The following ZFHX3 variants were observed in gnomAD, a reference collection of about 807,000 sequenced individuals.
The protein encoded by ZFHX3 is zinc finger homeobox 3, also known as zinc finger homeobox protein 3.
ZFHX3 carries 42 observed loss-of-function variants against 279.1 expected under a neutral mutation model. The observed-to-expected ratio is 0.15, with a 90% CI of 0.12 to 0.19. ZFHX3 has a LOEUF of 0.19. ZFHX3 is among the 10% of genes least tolerant of loss of function. The pLI is 1.00. For missense variants in ZFHX3, 4,981 were observed against 4,754.0 expected, an observed-to-expected ratio of 1.05 and a Z score of -1.40; for synonymous variants, 2,293 against 1,957.8, an observed-to-expected ratio of 1.17 and a Z score of -4.52.
At chr16:73,819,329 C>A (rs1257941855) in intron 1 of ZFHX3, among the ~76,000 whole-genome samples, 1 of 150,290 alleles carries the variant, frequency 6.7e-6, no homozygotes, top group Non-Finnish European at 1.5e-5. Context: ...TAGTTTCTGC[C>A]TACTAGATGC....
At chr16:73,187,142 T>TCACA (rs1491472382) in intron 5 of ZFHX3, among the ~76,000 whole-genome samples, 34 of 87,884 alleles carry the variant, frequency 3.9e-4, no homozygotes, top group African/African-American at 1.1e-3. Flanking sequence ...AAGTTGTATG[T>TCACA]CTCACACACA....
At chr16:73,728,867 C>G (rs1262437495) in intron 1 of ZFHX3, among the ~76,000 whole-genome samples, 1 of 151,512 alleles carries the variant, frequency 6.6e-6, no homozygotes, top group Non-Finnish European at 1.5e-5. Flanking sequence ...GCACCTAAGT[C>G]TCTAAACCAT....
At chr16:73,283,881 C>T (rs933741632) in intron 4 of ZFHX3, among the ~76,000 whole-genome samples, 2 of 151,990 alleles carry the variant, frequency 1.3e-5, no homozygotes, top group Non-Finnish European at 2.9e-5. Context: ...CCCAGGAGTT[C>T]GAATTCGCAA....
At chr16:73,377,837 T>C (rs2016748064) in intron 3 of ZFHX3, among the ~76,000 whole-genome samples, 1 of 151,326 alleles carries the variant, frequency 6.6e-6, no homozygotes, top group Admixed American at 6.6e-5. Context: ...ATTGAGATCA[T>C]CCTGGCTAAC....
chr16:73,343,187 AC>A (rs142760069), intron 3 of ZFHX3, among the ~76,000 whole-genome samples: 8,625 of 152,114 alleles, frequency 0.057, 317 homozygotes, highest in East Asian at 0.11. Flanking sequence ...ATGTTGTAGG[AC>A]TGAAATGGAA....
chr16:72,901,647 T>C (rs1329162719), intron 3 of ZFHX3, among the ~76,000 whole-genome samples: 2 of 152,164 alleles, frequency 1.3e-5, no homozygotes, highest in Non-Finnish European at 2.9e-5. Context: ...TTAAATTCCA[T>C]TTGTTTTCTG....
intron 2 of ZFHX3, among the ~76,000 whole-genome samples, chr16:73,582,894 G>C (rs2051876820): frequency 1.3e-5 from 2 of 150,024 alleles, no homozygotes; most frequent in Non-Finnish European, 2.9e-5. Context: ...GCTCAGATTT[G>C]GGAGTCTGTT....
intron 2 of ZFHX3, among the ~76,000 whole-genome samples, chr16:73,502,667 T>C (rs893566206): frequency 1.3e-5 from 2 of 152,170 alleles, no homozygotes; most frequent in African/African-American, 4.8e-5. Context: ...CACCCAGTCT[T>C]GGACTCAGTG....
Position 73,759,653 on chromosome 16 carries a change from A to T in ZFHX3, c.-1607-79413T>A, listed in dbSNP as rs2063506. Reference sequence around the variant, plus strand: ...CTCCCTACTCATTCAAGTCTTCTAAATTCCTTCCCCTGAGGCTTTATTTCT... The same window carrying T: ...CTCCCTACTCATTCAAGTCTTCTAATTTCCTTCCCCTGAGGCTTTATTTCT... On this transcript the variant is annotated intron_variant, in intron 1 of 17. Coordinates refer to the ZFHX3 transcript ENST00000641206. Among the ~76,000 whole-genome samples the T allele has an allele frequency of 1.3e-3, 205 of 152,044 alleles. 3 individuals are homozygous for T. In the South Asian group the frequency reaches 0.02, roughly 15 times the overall value.
rs765879381 is a variant in ZFHX3 at position 72,958,175 on chromosome 16, G to C, written c.1971C>G (p.Gly657=). 175 of 1,613,590 alleles carry C rather than the reference G, an allele frequency of 1.1e-4. No individual in the cohort carries two copies. The highest frequency in any genetic ancestry group is 1.4e-4 in the Non-Finnish European group (166 of 1,179,532). ...TVLGSSRSLG[G]HMTMMHSRNS... ...TACGAGAATGCATCATGGTCATGTG[G>C]CCGCCCAGCGAGCGGGAGGAGCCCA... is the stretch of plus-strand genomic sequence containing the variant. Residue 657 remains glycine, a synonymous_variant, in exon 2 of 10, where the codon GGC becomes GGG. Coordinates refer to ENST00000268489, the MANE Select transcript of ZFHX3 (RefSeq NM_006885.4).
At chr16:73,227,848 C>CAAAAAAAAAAAAAAAAAAAAAAA (rs398029895) in intron 5 of ZFHX3, among the ~76,000 whole-genome samples, 1 of 46,042 alleles carries the variant, frequency 2.2e-5, no homozygotes, top group African/African-American at 1.1e-4. Flanking sequence ...GATTCTGTCT[C>CAAAAAAAAAAAAAAAAAAAAAAA]AAAAAAAAAA....
intron 2 of ZFHX3, among the ~76,000 whole-genome samples, chr16:73,614,005 A>G (rs2052273953): frequency 6.6e-6 from 1 of 152,232 alleles, no homozygotes; most frequent in Admixed American, 6.5e-5. Flanking sequence ...CAATACAATG[A>G]ATCCGAGCTT....
chr16:73,717,716 G>A (rs1194706035), intron 1 of ZFHX3, among the ~76,000 whole-genome samples: 1 of 152,180 alleles, frequency 6.6e-6, no homozygotes, highest in Non-Finnish European at 1.5e-5. Context: ...CCTTGTTTGA[G>A]GCTTAGAAGA....
intron 1 of ZFHX3, among the ~76,000 whole-genome samples, chr16:73,750,995 C>T (rs1442289131): frequency 6.6e-6 from 1 of 152,120 alleles, no homozygotes; most frequent in Non-Finnish European, 1.5e-5. Context: ...GGGCATTTTT[C>T]TGAGAAATAT....
intron 5 of ZFHX3, among the ~76,000 whole-genome samples, chr16:73,253,167 C>T (rs1428920165): frequency 1.3e-5 from 2 of 152,098 alleles, no homozygotes; most frequent in South Asian, 2.1e-4. Context: ...AGGACTCCTC[C>T]GTGGCCTGGC....
chr16:72,818,187 A>G (rs1026349796), intron 5 of ZFHX3, among the ~76,000 whole-genome samples: 1 of 152,222 alleles, frequency 6.6e-6, no homozygotes, highest in African/African-American at 2.4e-5. Context: ...CCTTCAGCTC[A>G]TAATTATAAT....
chr16:73,332,658 A>C (rs1357806629), intron 3 of ZFHX3, among the ~76,000 whole-genome samples: 1 of 152,250 alleles, frequency 6.6e-6, no homozygotes, highest in Admixed American at 6.5e-5. Context: ...TGGGAAGACC[A>C]CTGGACCAGC....
intron 2 of ZFHX3, among the ~76,000 whole-genome samples, chr16:73,616,010 G>C (rs962867171): frequency 2.0e-4 from 30 of 152,080 alleles, no homozygotes; most frequent in Non-Finnish European, 4.0e-4. Context: ...AAAGCAACAT[G>C]AAATTTTAAA....
At chr16:73,521,597 CA>C (rs1261813036) in intron 2 of ZFHX3, among the ~76,000 whole-genome samples, 1 of 151,960 alleles carries the variant, frequency 6.6e-6, no homozygotes, top group Non-Finnish European at 1.5e-5. Context: ...CGGTGGCTCT[CA>C]TAGAGGCCGT....
Sources: gnomAD v4.1 joint callset for allele counts (sites outside exome capture counted in the v4.1 genomes callset) on GRCh38, gnomAD v4.1.1 for gene constraint, MANE v1.5 for transcripts, NCBI Gene and HGNC (gene_info 2026-07-23, HGNC 2026-07-21) for gene names.